Variants in RAP1B observed in about 807,000 individuals in gnomAD.
RAP1B encodes the protein RAP1B, member of RAS oncogene family.
RAP1B carries 1 observed loss-of-function variant against 27.5 expected under a neutral mutation model. That is an observed-to-expected ratio of 0.04 (90% CI 0.01 to 0.17). The LOEUF (loss-of-function observed/expected upper bound fraction) is 0.17, where lower values mean the gene tolerates loss of function less well. Ranked by LOEUF, RAP1B falls within the 10% of genes least tolerant of loss-of-function variation. RAP1B has a pLI of 1.00. For synonymous variants in RAP1B, 75 were observed against 73.1 expected, an observed-to-expected ratio of 1.03 and a Z score of -0.13; for missense variants, 84 against 214.8, an observed-to-expected ratio of 0.39 and a Z score of 3.81.
rs1218680308 is a variant in RAP1B, at chr12:68,662,862, G to T, written c.*3613G>T. On this transcript the variant is annotated 3_prime_UTR_variant, in exon 8 of 8. Coordinates refer to ENST00000250559, the MANE Select transcript of RAP1B (RefSeq NM_001010942.3). Reference sequence around the variant, plus strand: ...ATTTTTTTTTAATTAGCTGGGCATGGTGGTGCACGTCTGTACCTGTAGTCC... The same window carrying T: ...ATTTTTTTTTAATTAGCTGGGCATGTTGGTGCACGTCTGTACCTGTAGTCC... The T allele has an allele frequency of 6.6e-6, 1 of 151,864 alleles. No homozygotes were observed. The highest frequency in any genetic ancestry group is 1.5e-5 in the Non-Finnish European group (1 of 67,988). The allele number at this position is 151,864 out of a possible 1,614,324, so 9.4% of individuals were successfully genotyped here. A position where few individuals can be genotyped will look rare whatever the true frequency, so the allele number is the denominator to read the frequency against.
At position 68,611,044 on chromosome 12, in the gene RAP1B, G is replaced by A. The variant is rs1870527025; in HGVS notation, c.-27+1G>A. The A allele has an allele frequency of 6.8e-6, 2 of 294,398 alleles. No individual in the cohort carries two copies. Among genetic ancestry groups the A allele is most frequent in the Non-Finnish European group, 1.3e-5 (2 of 158,896 alleles). 18.2% of individuals were successfully genotyped at this position (294,398 alleles called of 1,614,324 possible). On this transcript the variant is annotated splice_donor_variant, in intron 1 of 7. Transcript: ENST00000250559. LOFTEE classifies it low-confidence loss of function (5UTR_SPLICE). Reference sequence around the variant, plus strand: ...CAGGGACCCGGTGACAGCGTGAGAGGTTCGCAGAGTGAGTGCGTGGCCGCT... The same window carrying A: ...CAGGGACCCGGTGACAGCGTGAGAGATTCGCAGAGTGAGTGCGTGGCCGCT...
intron 1 of RAP1B, among the ~76,000 whole-genome samples, chr12:68,619,317 G>A (rs1184837516): frequency 6.6e-6 from 1 of 152,158 alleles, no homozygotes; most frequent in Non-Finnish European, 1.5e-5. Context: ...CGATGATAAA[G>A]TTCCTAGATT....
At chr12:68,648,810 T>G in intron 2 of RAP1B, 29 bp downstream of exon 2, 2 of 1,582,530 alleles carry the variant, frequency 1.3e-6, no homozygotes, top group Non-Finnish European at 1.7e-6. Context: ...ACCTAAGCCT[T>G]TCACTCCAAG....
At chr12:68,627,191 C>T (rs1871858187) in intron 1 of RAP1B, 2 of 1,542,086 alleles carry the variant, frequency 1.3e-6, no homozygotes, top group East Asian at 2.2e-5. Context: ...GGAACCTACA[C>T]TGGGGTAGTG....
chr12:68,610,907 C>A lies in RAP1B; in HGVS notation c.-163C>A. 1 of 303,920 alleles carries A rather than the reference C, an allele frequency of 3.3e-6. No individual in the cohort carries two copies. The highest frequency in any genetic ancestry group is 1.4e-4 in the South Asian group (1 of 7,022). The allele number at this position is 303,920 out of a possible 1,614,324, so 18.8% of individuals were successfully genotyped here. ...ACGCCTGACGTCAAGGCGACATCGC[C>A]AAACCTCGCCCAGATTCAGGCGTGT... On this transcript the variant is annotated 5_prime_UTR_variant, in exon 1 of 8. Transcript: ENST00000250559.
intron 1 of RAP1B, among the ~76,000 whole-genome samples, chr12:68,630,596 C>T (rs964934276): frequency 6.6e-6 from 1 of 151,986 alleles, no homozygotes; most frequent in African/African-American, 2.4e-5. Flanking sequence ...CACGTAGGCC[C>T]CAGGTCATGA....
At chr12:68,656,989 A>G (rs1202810957) in intron 6 of RAP1B, 112 bp from the exon 7 acceptor site, 13 of 910,432 alleles carry the variant, frequency 1.4e-5, no homozygotes, top group East Asian at 7.4e-5. Flanking sequence ...TAGCTGAACA[A>G]TTCTGGGCAT....
intron 1 of RAP1B, among the ~76,000 whole-genome samples, chr12:68,634,170 G>C (rs1237478659): frequency 6.6e-6 from 1 of 152,180 alleles, no homozygotes; most frequent in Non-Finnish European, 1.5e-5. Flanking sequence ...TAAACACCTA[G>C]ATAGATATAA....
intron 2 of RAP1B, chr12:68,649,761 A>G (rs1873677256): frequency 6.6e-6 from 1 of 152,242 alleles, no homozygotes; most frequent in Admixed American, 6.5e-5. Context: ...TCCTGCATGT[A>G]TGTGTGTATA....
At chr12:68,627,546 C>T (rs1325968085) in intron 1 of RAP1B, among the ~76,000 whole-genome samples, 6 of 152,150 alleles carry the variant, frequency 3.9e-5, no homozygotes, top group African/African-American at 1.4e-4. Context: ...GACCTTGAAA[C>T]TTCACCTCTC....
intron 2 of RAP1B, 115 bp from the exon 3 acceptor site, chr12:68,650,285 G>T: frequency 3.3e-6 from 3 of 907,124 alleles, no homozygotes; most frequent in South Asian, 2.3e-5. Context: ...ATTGGCTGTG[G>T]TTTTTTTTTT....
intron 4 of RAP1B, among the ~76,000 whole-genome samples, chr12:68,652,351 C>T (rs1281545299): frequency 1.3e-5 from 2 of 151,968 alleles, no homozygotes; most frequent in Non-Finnish European, 2.9e-5. Flanking sequence ...GAGGCTGAGG[C>T]AGGAGAATCT....
intron 1 of RAP1B, among the ~76,000 whole-genome samples, chr12:68,648,284 A>G (rs774518119): frequency 3.9e-5 from 6 of 152,158 alleles, no homozygotes; most frequent in Non-Finnish European, 5.9e-5. Flanking sequence ...TGCTTCCTCT[A>G]CCAACATATT....
rs1441565148 is a variant in RAP1B, at chr12:68,659,524, TCATC to T, written c.*278_*281del. The stretch of plus-strand genomic sequence containing the variant: ...CAGTATTACTGCTAAGAGACATTCT[TCATC>T]CACCAATGTTGTACATGTATGAAAA... On this transcript the variant is annotated 3_prime_UTR_variant, in exon 8 of 8. Transcript: ENST00000250559. 3.1e-6 allele frequency: 1 copy of T among 320,618 alleles called. No individual in the cohort carries two copies. The highest frequency in any genetic ancestry group is 4.3e-5 in the Admixed American group (1 of 23,114). The allele number at this position is 320,618 out of a possible 1,614,324, so 19.9% of individuals were successfully genotyped here.
At position 68,665,137 on chromosome 12, in the gene RAP1B, CTT is replaced by C. The variant is rs1167265823; in HGVS notation, c.*5890_*5891del. On this transcript the variant is annotated 3_prime_UTR_variant, in exon 8 of 8. Coordinates refer to ENST00000250559, the MANE Select transcript of RAP1B (RefSeq NM_001010942.3). Reference sequence around the variant, plus strand: ...AGACCCTGTCACTTGACAAAAGTATCTTTCCCTACTGGAAATGGAATAGAATC... The same window carrying C: ...AGACCCTGTCACTTGACAAAAGTATCTCCCTACTGGAAATGGAATAGAATC... The C allele has an allele frequency of 5.3e-5, 8 of 152,242 alleles. No individual in the cohort carries two copies. The highest frequency in any genetic ancestry group is 1.9e-4 in the African/African-American group (8 of 41,446). The allele number at this position is 152,242 out of a possible 1,614,324, so 9.4% of individuals were successfully genotyped here.
intron 1 of RAP1B, among the ~76,000 whole-genome samples, chr12:68,641,803 AAC>A (rs1491007689): frequency 2.0e-5 from 3 of 151,972 alleles, no homozygotes; most frequent in Non-Finnish European, 2.9e-5. Context: ...AAAAAAAAAA[AAC>A]AGTGTAGAAA....
chr12:68,636,184 TA>T (rs1027369326), intron 1 of RAP1B, among the ~76,000 whole-genome samples: 7 of 152,186 alleles, frequency 4.6e-5, no homozygotes, highest in African/African-American at 1.7e-4. Flanking sequence ...GACAGTCAGC[TA>T]TTTTTTTTGG....
chr12:68,631,577 C>T lies in RAP1B; in HGVS notation c.-26-17122C>T, dbSNP rs150272885. Among the ~76,000 whole-genome samples, 384 of 152,252 alleles carry T rather than the reference C, an allele frequency of 2.5e-3. 2 individuals carry two copies. The highest frequency in any genetic ancestry group is 9.0e-3 in the African/African-American group (373 of 41,534). On this transcript the variant is annotated intron_variant, in intron 1 of 7. Transcript: ENST00000250559. ...ATTTTTATTTTCCTATTCCTTTGTG[C>T]CCTGTGAGCCAGTCAGACTGCTTTT... is the stretch of plus-strand genomic sequence containing the variant.
intron 5 of RAP1B, 39 bp downstream of exon 5, chr12:68,654,291 C>T: frequency 7.1e-7 from 1 of 1,404,992 alleles, no homozygotes; most frequent in African/African-American, 1.5e-5. Context: ...TATTTCAAAA[C>T]CCTGATTATA....
Sources: gnomAD v4.1 joint callset for allele counts (sites outside exome capture counted in the v4.1 genomes callset) on GRCh38, gnomAD v4.1.1 for gene constraint, MANE v1.5 for transcripts, NCBI Gene and HGNC (gene_info 2026-07-23, HGNC 2026-07-21) for gene names.